The following BBS9 variants were observed in gnomAD, a reference collection of about 807,000 sequenced individuals.
BBS9 encodes Bardet-Biedl syndrome 9, also known as protein PTHB1.
Under a neutral mutation model 117.7 loss-of-function variants are expected in BBS9, and 89 were observed. The observed-to-expected ratio is 0.76, with a 90% CI of 0.64 to 0.90. BBS9 has a LOEUF of 0.90. BBS9 is among the 40% of genes least tolerant of loss of function. The probability of loss-of-function intolerance (pLI) is 0.00; values close to 1 mark genes in which losing one functional copy is unlikely to be tolerated. For missense variants in BBS9, 982 were observed against 1,042.2 expected (o/e 0.94, Z 0.80); for synonymous variants, 379 against 370.9 (o/e 1.02, Z -0.25).
intron 9 of BBS9, among the ~76,000 whole-genome samples, chr7:33,280,141 T>A (rs1452538072): frequency 1.3e-5 from 2 of 152,266 alleles, no homozygotes; most frequent in Non-Finnish European, 2.9e-5. Flanking sequence ...CTTAACAGTT[T>A]CTTCTTTTTA....
intron 19 of BBS9, among the ~76,000 whole-genome samples, chr7:33,388,471 T>C (rs1264915253): frequency 6.6e-6 from 1 of 152,204 alleles, no homozygotes; most frequent in East Asian, 1.9e-4. Context: ...ATAGTAGCTA[T>C]TATGATTAGT....
intron 5 of BBS9, among the ~76,000 whole-genome samples, chr7:33,219,065 C>T (rs574425171): frequency 1.1e-3 from 165 of 152,328 alleles, no homozygotes; most frequent in African/African-American, 3.6e-3. Context: ...GCCCCGCACT[C>T]GGAGCAGCCG....
intron 21 of BBS9, among the ~76,000 whole-genome samples, chr7:33,562,707 C>T (rs866340121): frequency 6.6e-6 from 1 of 152,236 alleles, no homozygotes; most frequent in African/African-American, 2.4e-5. Context: ...GGGTGGACCA[C>T]GAGGTCAGGA....
intron 9 of BBS9, among the ~76,000 whole-genome samples, chr7:33,310,815 T>C (rs1482191243): frequency 6.6e-6 from 1 of 152,234 alleles, no homozygotes; most frequent in Non-Finnish European, 1.5e-5. Context: ...TTTTTGCATT[T>C]AATTAATTCA....
intron 15 of BBS9, 87 bp downstream of exon 15, chr7:33,352,960 T>C: frequency 1.5e-6 from 2 of 1,343,326 alleles, no homozygotes; most frequent in Non-Finnish European, 2.1e-6. Context: ...AATGAACTCT[T>C]TTTATGGACT....
At chr7:33,557,833 G>T (rs1563357390) in intron 21 of BBS9, among the ~76,000 whole-genome samples, 1 of 152,204 alleles carries the variant, frequency 6.6e-6, no homozygotes, top group Non-Finnish European at 1.5e-5. Context: ...TGACCTCTCT[G>T]AACCACAGTT....
At chr7:33,564,733 A>G (rs1273062749) in intron 21 of BBS9, among the ~76,000 whole-genome samples, 2 of 152,182 alleles carry the variant, frequency 1.3e-5, no homozygotes, top group Non-Finnish European at 2.9e-5. Context: ...TCATTCTGTG[A>G]TGAGAATAAC....
intron 5 of BBS9, among the ~76,000 whole-genome samples, chr7:33,232,109 T>C (rs1237782625): frequency 1.3e-5 from 2 of 152,154 alleles, no homozygotes; most frequent in African/African-American, 4.8e-5. Context: ...TTAATATATG[T>C]CCCTTTTGAA....
intron 19 of BBS9, among the ~76,000 whole-genome samples, chr7:33,433,755 G>A (rs539388698): frequency 6.6e-6 from 1 of 152,170 alleles, no homozygotes; most frequent in African/African-American, 2.4e-5. Flanking sequence ...AGATTAATAT[G>A]AGGCTGATGT....
intron 20 of BBS9, among the ~76,000 whole-genome samples, chr7:33,526,541 A>G (rs200285084): frequency 8.0e-4 from 121 of 150,758 alleles, no homozygotes; most frequent in African/African-American, 2.5e-3. Flanking sequence ...TGATCACATC[A>G]GCTCCTGAGG....
chr7:33,264,132 C>T (rs1025445354), intron 6 of BBS9, among the ~76,000 whole-genome samples, 158 bp from the exon 7 acceptor site: 10 of 151,988 alleles, frequency 6.6e-5, no homozygotes, highest in Non-Finnish European at 7.4e-5. Context: ...GTCACAATAT[C>T]ACTCAATAAG....
rs1472747381 is a variant in BBS9, at chr7:33,296,813, T to G, written c.1016+22857T>G. On this transcript the variant is annotated intron_variant, in intron 9 of 22. Transcript: ENST00000242067. ...TCAGAATTAATTTGGCACTTCCACT[T>G]GTGGTTTGTTTAGGATAGGAAACCA... Among the ~76,000 whole-genome samples, 3 of 152,162 alleles carry G rather than the reference T, an allele frequency of 2.0e-5. No individual in the cohort carries two copies. The East Asian group carries it at 5.8e-4, about 29-fold the overall frequency.
intron 19 of BBS9, among the ~76,000 whole-genome samples, chr7:33,434,221 T>G (rs1054208881): frequency 6.6e-6 from 1 of 151,992 alleles, no homozygotes; most frequent in African/African-American, 2.4e-5. Context: ...TAAAAAACTC[T>G]TGATACATAT....
chr7:33,622,174 C>T (rs1039893286), intron 21 of BBS9, among the ~76,000 whole-genome samples: 1 of 152,076 alleles, frequency 6.6e-6, no homozygotes, highest in Non-Finnish European at 1.5e-5. Context: ...AGCGCCATTG[C>T]ACTCCAGCCT....
intron 7 of BBS9, among the ~76,000 whole-genome samples, chr7:33,264,992 T>C (rs1156748746): frequency 6.6e-6 from 1 of 152,182 alleles, no homozygotes; most frequent in Non-Finnish European, 1.5e-5. Flanking sequence ...AGTTTGATAA[T>C]TTGAAAAGTA....
intron 5 of BBS9, among the ~76,000 whole-genome samples, chr7:33,226,075 G>T (rs1791212332): frequency 6.6e-6 from 1 of 152,182 alleles, no homozygotes; most frequent in Admixed American, 6.5e-5. Context: ...TGGTGGCAAT[G>T]ATTCTCATTC....
chr7:33,198,648 T>C (rs1362365710), intron 5 of BBS9, among the ~76,000 whole-genome samples: 1 of 151,994 alleles, frequency 6.6e-6, no homozygotes, highest in Non-Finnish European at 1.5e-5. Flanking sequence ...GTATGTTGAG[T>C]ATTACAACAA....
At chr7:33,417,892 C>G (rs558707642) in intron 19 of BBS9, among the ~76,000 whole-genome samples, 13 of 152,264 alleles carry the variant, frequency 8.5e-5, no homozygotes, top group African/African-American at 3.1e-4. Context: ...TTGCTACGTT[C>G]ACTTTTTGAG....
intron 2 of BBS9, among the ~76,000 whole-genome samples, chr7:33,149,653 G>A (rs1475445160): frequency 2.0e-5 from 3 of 150,852 alleles, no homozygotes; most frequent in Non-Finnish European, 4.4e-5. Context: ...AATTGGAGTA[G>A]AGAGCAAATA....
Sources: allele counts gnomAD v4.1 joint callset (sites outside exome capture counted in the v4.1 genomes callset), GRCh38; gene constraint gnomAD v4.1.1; transcripts MANE v1.5; gene names NCBI Gene and HGNC (gene_info 2026-07-23, HGNC 2026-07-21).